The following ZFHX3 variants were observed in gnomAD, a reference collection of about 807,000 sequenced individuals.
ZFHX3 encodes the protein zinc finger homeobox protein 3.
ZFHX3 carries 42 observed loss-of-function variants against 279.1 expected under a neutral mutation model. The ratio of observed to expected loss-of-function variants is 0.15; its 90% confidence interval spans 0.12 to 0.19. ZFHX3 has a LOEUF of 0.19. ZFHX3 is among the 10% of genes least tolerant of loss of function. ZFHX3 has a pLI of 1.00. For missense variants in ZFHX3, 4,981 were observed against 4,754.0 expected (o/e 1.05, Z -1.40); for synonymous variants, 2,293 against 1,957.8 (o/e 1.17, Z -4.52).
At chr16:73,067,067 A>G (rs978606576) in intron 8 of ZFHX3, among the ~76,000 whole-genome samples, 3 of 152,110 alleles carry the variant, frequency 2.0e-5, no homozygotes, top group African/African-American at 7.2e-5. Flanking sequence ...CTCGCCTCCA[A>G]GGCAGACCAG....
intron 4 of ZFHX3, among the ~76,000 whole-genome samples, chr16:73,271,814 T>A (rs868323802): frequency 6.6e-6 from 1 of 152,142 alleles, no homozygotes; most frequent in South Asian, 2.1e-4. Flanking sequence ...TCTCTGACAA[T>A]GTTTTGTCTT....
chr16:73,342,711 A>T (rs182337724), intron 3 of ZFHX3, among the ~76,000 whole-genome samples: 18 of 152,324 alleles, frequency 1.2e-4, no homozygotes, highest in African/African-American at 3.8e-4. Flanking sequence ...GTGGGTAGGT[A>T]CAGGTGGGAG....
chr16:73,611,162 TGA>T (rs1193027596), intron 2 of ZFHX3, among the ~76,000 whole-genome samples: 1 of 152,188 alleles, frequency 6.6e-6, no homozygotes, highest in Non-Finnish European at 1.5e-5. Context: ...TGGTTTTTTT[TGA>T]GTTTTTGATG....
intron 3 of ZFHX3, among the ~76,000 whole-genome samples, chr16:72,912,669 G>A (rs770752967): frequency 6.6e-6 from 1 of 152,080 alleles, no homozygotes; most frequent in East Asian, 1.9e-4. Context: ...GGGGAGCAGG[G>A]ATGGGGCTTG....
intron 2 of ZFHX3, among the ~76,000 whole-genome samples, chr16:73,593,115 G>T (rs1027239884): frequency 2.6e-5 from 4 of 152,006 alleles, no homozygotes; most frequent in Non-Finnish European, 5.9e-5. Flanking sequence ...TTAAAAACCA[G>T]TTGAATCAGT....
chr16:73,578,788 A>T (rs1324556137), intron 2 of ZFHX3, among the ~76,000 whole-genome samples: 1 of 152,194 alleles, frequency 6.6e-6, no homozygotes, highest in Non-Finnish European at 1.5e-5. Flanking sequence ...CAACATCTAT[A>T]ACCCCATCAA....
chr16:72,870,798 A>G (rs1035092624), intron 4 of ZFHX3, among the ~76,000 whole-genome samples: 1 of 152,150 alleles, frequency 6.6e-6, no homozygotes, highest in Non-Finnish European at 1.5e-5. Context: ...TTTTCATACA[A>G]AGGATATTAT....
chr16:72,969,451 T>C (rs755415524), intron 1 of ZFHX3, among the ~76,000 whole-genome samples: 1 of 152,178 alleles, frequency 6.6e-6, no homozygotes, highest in South Asian at 2.1e-4. Context: ...TAGGGAACTT[T>C]CGCAAAGTTC....
At chr16:73,542,070 G>C (rs751080570) in intron 2 of ZFHX3, among the ~76,000 whole-genome samples, 5 of 151,968 alleles carry the variant, frequency 3.3e-5, no homozygotes, top group Non-Finnish European at 1.5e-5. Context: ...AAAATGCTTG[G>C]ATTACAGGCT....
At chr16:73,592,721 G>C (rs2052012269) in intron 2 of ZFHX3, among the ~76,000 whole-genome samples, 1 of 134,420 alleles carries the variant, frequency 7.4e-6, no homozygotes, top group South Asian at 2.8e-4. Flanking sequence ...CATATGCTTG[G>C]AATTTTTCAT....
chr16:73,869,276 A>G (rs969962153), intron 1 of ZFHX3, among the ~76,000 whole-genome samples: 9 of 152,244 alleles, frequency 5.9e-5, no homozygotes, highest in Admixed American at 4.6e-4. Context: ...ATAAGCAAAC[A>G]GCCCCGACCA....
At chr16:73,001,586 G>T (rs1291489638) in intron 1 of ZFHX3, among the ~76,000 whole-genome samples, 2 of 152,112 alleles carry the variant, frequency 1.3e-5, no homozygotes, top group Non-Finnish European at 1.5e-5. Flanking sequence ...GCTGAAGTGA[G>T]AGGATCACTT....
chr16:73,753,271 T>A (rs1284372305), intron 1 of ZFHX3, among the ~76,000 whole-genome samples: 2 of 152,128 alleles, frequency 1.3e-5, no homozygotes, highest in Non-Finnish European at 2.9e-5. Flanking sequence ...CCAGACAGGA[T>A]AAAGTGAAGA....
rs75916356 is a variant in ZFHX3, at chr16:73,076,706, TTCAGAGTTATTGTTTCC to T, written c.-533+16512_-533+16528del. 0.015 allele frequency among the ~76,000 whole-genome samples: 2,315 copies of T among 152,280 alleles called. 155 individuals carry two copies. In the East Asian group the frequency reaches 0.2, roughly 13 times the overall value. ...TTTATTTCCACACATCTCACTTGCTTTCAGAGTTATTGTTTCCTCTTATTCCCCCCACCTCTTTGGTG... is the reference window on the plus strand; with the variant it reads ...TTTATTTCCACACATCTCACTTGCTTTCTTATTCCCCCCACCTCTTTGGTG... On this transcript the variant is annotated intron_variant, in intron 8 of 17. Transcript: ENST00000641206.
At chr16:73,677,921 T>C (rs1489139899) in intron 2 of ZFHX3, among the ~76,000 whole-genome samples, 1 of 152,026 alleles carries the variant, frequency 6.6e-6, no homozygotes, top group Non-Finnish European at 1.5e-5. Context: ...TACCCATAAA[T>C]AGAGACACTC....
At chr16:73,358,843 C>T (rs1034750724) in intron 3 of ZFHX3, among the ~76,000 whole-genome samples, 2 of 152,138 alleles carry the variant, frequency 1.3e-5, no homozygotes, top group Non-Finnish European at 2.9e-5. Flanking sequence ...GTCAGAGGAC[C>T]CTGTGTCCAT....
At chr16:73,378,570 T>C (rs980107422) in intron 3 of ZFHX3, among the ~76,000 whole-genome samples, 6 of 152,188 alleles carry the variant, frequency 3.9e-5, no homozygotes, top group African/African-American at 1.4e-4. Flanking sequence ...TACAGATAAA[T>C]TTAAGATAAA....
chr16:73,457,690 G>A (rs111887697), intron 2 of ZFHX3, among the ~76,000 whole-genome samples: 3 of 152,208 alleles, frequency 2.0e-5, no homozygotes, highest in African/African-American at 4.8e-5. Flanking sequence ...CATGAGAATC[G>A]CTTGAGCCTG....
intron 1 of ZFHX3, among the ~76,000 whole-genome samples, chr16:73,701,502 G>T (rs1028330529): frequency 6.6e-6 from 1 of 152,118 alleles, no homozygotes; most frequent in Admixed American, 6.5e-5. Context: ...CAGAAGGCAG[G>T]CTGCAATTGT....
Sources: allele counts gnomAD v4.1 joint callset (sites outside exome capture counted in the v4.1 genomes callset), GRCh38; gene constraint gnomAD v4.1.1; transcripts MANE v1.5; gene names NCBI Gene and HGNC (gene_info 2026-07-23, HGNC 2026-07-21).